Variants in RAD51C observed in about 807,000 individuals in gnomAD.
RAD51C encodes the protein RAD51 paralog C.
RAD51C carries 42 observed loss-of-function variants against 45.0 expected under a neutral mutation model. The ratio of observed to expected loss-of-function variants is 0.93; its 90% CI spans 0.73 to 1.21. The LOEUF is 1.21. Among genes scored for constraint, RAD51C ranks in the 50% most tolerant of loss-of-function variants. RAD51C has a pLI of 0.00. For synonymous variants in RAD51C, 172 were observed against 159.8 expected (o/e 1.08, Z -0.58); for missense variants, 474 against 452.2 (o/e 1.05, Z -0.44).
At chr17:58,724,698 G>GT (rs1309720559) in intron 7 of RAD51C, among the ~76,000 whole-genome samples, 1 of 151,876 alleles carries the variant, frequency 6.6e-6, no homozygotes, top group East Asian at 1.9e-4. Flanking sequence ...CTGAGCAAGT[G>GT]AACAAACCAG....
At chr17:58,732,250 G>T in intron 7 of RAD51C, 1 of 413,564 alleles carries the variant, frequency 2.4e-6, no homozygotes, top group Non-Finnish European at 4.4e-6. Flanking sequence ...TAATTTATTT[G>T]AATCAGTCAT....
At chr17:58,733,444 C>T (rs1419766508) in intron 8 of RAD51C, among the ~76,000 whole-genome samples, 1 of 152,104 alleles carries the variant, frequency 6.6e-6, no homozygotes, top group Non-Finnish European at 1.5e-5. Context: ...AGAGAAATAT[C>T]ATAGTTGGAA....
chr17:58,710,255 G>T (rs1396379191), intron 5 of RAD51C, among the ~76,000 whole-genome samples: 4 of 149,712 alleles, frequency 2.7e-5, no homozygotes, highest in Non-Finnish European at 5.9e-5. Context: ...GCCGAGGCAG[G>T]TGGATCATGA....
intron 5 of RAD51C, among the ~76,000 whole-genome samples, chr17:58,712,131 G>A (rs1444827954): frequency 6.6e-6 from 1 of 151,932 alleles, no homozygotes; most frequent in African/African-American, 2.4e-5. Context: ...GGCGGATCAT[G>A]AGGTCAGGAG....
rs757386460 is a variant in RAD51C, at chr17:58,709,433, T to C, written c.706-426T>C. On this transcript the variant is annotated intron_variant, in intron 4 of 8. Coordinates refer to ENST00000337432, the MANE Select transcript of RAD51C (RefSeq NM_058216.3). ...TCAAAGCAGAGTCCGTTTTAACTTT[T>C]AGTGATTATTGCAGAAAGCACTGGC... Among the ~76,000 whole-genome samples, 33 of 152,194 alleles carry C rather than the reference T, an allele frequency of 2.2e-4. No individual in the cohort carries two copies. The highest frequency in any genetic ancestry group is 4.3e-4 in the Non-Finnish European group (29 of 68,032).
At chr17:58,702,904 A>G (rs2143793579) in intron 3 of RAD51C, among the ~76,000 whole-genome samples, 1 of 152,216 alleles carries the variant, frequency 6.6e-6, no homozygotes, top group Non-Finnish European at 1.5e-5. Flanking sequence ...GCGGCGACGG[A>G]TAGCATTAGG....
rs2049573099 is a variant in RAD51C, at chr17:58,734,373, A to C, written c.*151A>C. ...TGAATGGGAAAAATACCTAAATATG[A>C]TTCTGTGAAAGTTTTTCTAAAGCAG... On this transcript the variant is annotated 3_prime_UTR_variant, in exon 9 of 9. Transcript: ENST00000337432. 1 of 1,356,962 alleles carries C rather than the reference A, an allele frequency of 7.4e-7. No homozygotes were observed. 84.1% of individuals were successfully genotyped at this position (1,356,962 alleles called of 1,614,324 possible).
chr17:58,724,204 ACCCAT>A, intron 7 of RAD51C, 104 bp downstream of exon 7: 1 of 1,119,528 alleles, frequency 8.9e-7, no homozygotes, highest in South Asian at 1.3e-5. Flanking sequence ...ATATACAGTG[ACCCAT>A]GAAGTGACAC....
At chr17:58,706,609 G>T in intron 4 of RAD51C, 1 of 406,770 alleles carries the variant, frequency 2.5e-6, no homozygotes, top group Non-Finnish European at 5.1e-6. Context: ...TGGGCTTATG[G>T]TAAGAGTGAC....
intron 7 of RAD51C, among the ~76,000 whole-genome samples, chr17:58,728,863 CCTT>C (rs767005480): frequency 5.3e-5 from 8 of 152,102 alleles, no homozygotes; most frequent in Non-Finnish European, 8.8e-5. Context: ...TTGTCTATGT[CCTT>C]ATATTATGTG....
At chr17:58,692,974 G>C in intron 1 of RAD51C, 186 bp downstream of exon 1, 1 of 814,020 alleles carries the variant, frequency 1.2e-6, no homozygotes, top group East Asian at 2.7e-5. Flanking sequence ...GGAGAACTGT[G>C]GTCGTGAAAA....
At chr17:58,708,167 A>C (rs1203929850) in intron 4 of RAD51C, among the ~76,000 whole-genome samples, 1 of 152,110 alleles carries the variant, frequency 6.6e-6, no homozygotes, top group Non-Finnish European at 1.5e-5. Flanking sequence ...TTTTTATTTC[A>C]GCTCTCTACT....
intron 5 of RAD51C, among the ~76,000 whole-genome samples, chr17:58,713,256 CTTATAAGTCT>C (rs1175124737): frequency 6.6e-6 from 1 of 152,058 alleles, no homozygotes; most frequent in Admixed American, 6.6e-5. Context: ...ATGTACACTA[CTTATAAGTCT>C]GCTTTACACT....
At chr17:58,695,419 G>T in intron 2 of RAD51C, 1 of 1,185,108 alleles carries the variant, frequency 8.4e-7, no homozygotes, top group South Asian at 2.1e-5. Context: ...AAATTGTACT[G>T]CAGTCATAAG....
chr17:58,722,034 A>G (rs1267417918), intron 6 of RAD51C, among the ~76,000 whole-genome samples: 1 of 152,138 alleles, frequency 6.6e-6, no homozygotes, highest in Non-Finnish European at 1.5e-5. Context: ...GGGGTAATCA[A>G]ACTCAGCCTT....
chr17:58,704,281 A>G (rs1190632393), intron 4 of RAD51C, among the ~76,000 whole-genome samples: 1 of 150,954 alleles, frequency 6.6e-6, no homozygotes, highest in African/African-American at 2.4e-5. Context: ...TTTATTTTTT[A>G]TTTTTTAATT....
chr17:58,695,391 A>C (rs769778979), intron 2 of RAD51C: 3 of 1,333,320 alleles, frequency 2.3e-6, no homozygotes, highest in Non-Finnish European at 1.9e-6. Context: ...TTCTGATGTG[A>C]AAAAGTGTTT....
At chr17:58,729,929 A>G (rs1227781563) in intron 7 of RAD51C, among the ~76,000 whole-genome samples, 1 of 151,966 alleles carries the variant, frequency 6.6e-6, no homozygotes, top group Non-Finnish European at 1.5e-5. Flanking sequence ...ACTTTTTAAT[A>G]ATTTCCTCAG....
At chr17:58,725,549 T>A (rs2049088146) in intron 7 of RAD51C, among the ~76,000 whole-genome samples, 1 of 152,208 alleles carries the variant, frequency 6.6e-6, no homozygotes, top group East Asian at 1.9e-4. Context: ...TTCATCTTTT[T>A]ATGAACTCAA....
Sources: gnomAD v4.1 joint callset for allele counts (sites outside exome capture counted in the v4.1 genomes callset) on GRCh38, gnomAD v4.1.1 for gene constraint, MANE v1.5 for transcripts, NCBI Gene and HGNC (gene_info 2026-07-23, HGNC 2026-07-21) for gene names.